PLXNB2: variants seen among roughly 807,000 people sequenced by gnomAD.
The protein encoded by PLXNB2 is plexin B2.
A neutral mutation model predicts 202.6 loss-of-function variants in PLXNB2; 85 were observed. That is an observed-to-expected ratio of 0.42 (90% CI 0.35 to 0.50). The LOEUF (loss-of-function observed/expected upper bound fraction) is 0.50. Among genes scored for constraint, PLXNB2 ranks in the 20% least tolerant of loss-of-function variants. The pLI is 0.02. For synonymous variants in PLXNB2, 1,239 were observed against 1,137.6 expected, an observed-to-expected ratio of 1.09 and a Z score of -1.79; for missense variants, 2,063 against 2,586.2, an observed-to-expected ratio of 0.80 and a Z score of 4.39.
In PLXNB2 at chr22:50,283,426, C is replaced by A; in HGVS notation, c.2590G>T (p.Ala864Ser). ...VSTRIVCVIE[A>S]AETPFTGGVE... The stretch of plus-strand genomic sequence containing the variant: ...CCCCCCGTGAAAGGCGTCTCCGCAG[C>A]CTCGATCACACACACGATCCTGGCG... Residue 864 changes from alanine to serine, a missense_variant, in exon 16 of 37, where the codon GCT (alanine) becomes TCT (serine). Transcript: ENST00000359337. 1 of 1,613,152 alleles carries A rather than the reference C, an allele frequency of 6.2e-7. No individual in the cohort carries two copies. The highest frequency in any genetic ancestry group is 1.1e-5 in the South Asian group (1 of 91,070).
In PLXNB2 at chr22:50,307,526, CG is replaced by C. The variant is rs1186578521; in HGVS notation, c.-74+26del. ...CCCCCACGCCCAGCGAGACGTCCCCCGCAGCCCAGTCCCCCGAGCTCGGTAC... is the reference window on the plus strand; with the variant it reads ...CCCCCACGCCCAGCGAGACGTCCCCCCAGCCCAGTCCCCCGAGCTCGGTAC... On this transcript the variant is annotated intron_variant, in intron 1 of 36. Transcript: ENST00000359337. The C allele has an allele frequency of 1.9e-5, 19 of 977,150 alleles. No individual in the cohort carries two copies. In the East Asian group the frequency reaches 2.0e-3, roughly 102 times the overall value. The allele number at this position is 977,150 out of a possible 1,614,324, so 60.5% of individuals were successfully genotyped here.
chr22:50,279,041 G>A, intron 27 of PLXNB2, 30 bp from the exon 28 acceptor site: 1 of 1,579,004 alleles, frequency 6.3e-7, no homozygotes. Flanking sequence ...GAAGCCCAGT[G>A]GGAGGCCCTG....
In PLXNB2 at chr22:50,284,750, G is replaced by T; in HGVS notation, c.2089-85C>A. ...AGAACCCCTGCAGCCCCTCCTCTGT[G>T]CCTACAGTGTGGGAGCCCTCTCCTC... is the stretch of plus-strand genomic sequence containing the variant. On this transcript the variant is annotated intron_variant, in intron 11 of 36. Coordinates refer to ENST00000359337, the MANE Select transcript of PLXNB2 (RefSeq NM_012401.4). The surrounding 1 kb of genome is among the most constrained non-coding windows in gnomAD (Gnocchi z 8.0). The T allele has an allele frequency of 9.8e-7, 1 of 1,020,866 alleles. No homozygotes were observed. Among genetic ancestry groups the T allele is most frequent in the Non-Finnish European group, 1.6e-6 (1 of 642,556 alleles). 63.2% of individuals were successfully genotyped at this position (1,020,866 alleles called of 1,614,324 possible).
In PLXNB2 at chr22:50,284,096, C is replaced by T; in HGVS notation, c.2263+36G>A. 7.1e-7 allele frequency: 1 copy of T among 1,418,022 alleles called. No homozygotes were observed. The highest frequency in any genetic ancestry group is 9.9e-7 in the Non-Finnish European group (1 of 1,014,740). 87.8% of individuals were successfully genotyped at this position (1,418,022 alleles called of 1,614,324 possible). The stretch of plus-strand genomic sequence containing the variant: ...CACCCACCGCCTTGTGCCCACCCGT[C>T]CCCTGCCCGCCCCCCACTGCGCCCG... On this transcript the variant is annotated intron_variant, in intron 13 of 36. Coordinates refer to ENST00000359337, the MANE Select transcript of PLXNB2 (RefSeq NM_012401.4). The surrounding 1 kb of genome is among the most constrained non-coding windows in gnomAD (Gnocchi z 8.0).
In PLXNB2 at chr22:50,275,268, C is replaced by G. The variant is rs544488561; in HGVS notation, c.*436G>C. The G allele has an allele frequency of 1.0e-5, 4 of 394,130 alleles. No individual in the cohort carries two copies. The East Asian group carries it at 3.0e-4, about 29-fold the overall frequency. The allele number at this position is 394,130 out of a possible 1,614,324, so 24.4% of individuals were successfully genotyped here. On this transcript the variant is annotated 3_prime_UTR_variant, in exon 37 of 37. Coordinates refer to ENST00000359337, the MANE Select transcript of PLXNB2 (RefSeq NM_012401.4). ...GTACCGCTTTTTCTCCTCCTCCCATCTCGTGGTGGACAGACAGACATAGGA... is the reference window on the plus strand; with the variant it reads ...GTACCGCTTTTTCTCCTCCTCCCATGTCGTGGTGGACAGACAGACATAGGA...
At position 50,288,232 on chromosome 22, in the gene PLXNB2, G is replaced by A. The variant is rs77224694; in HGVS notation, c.1381-195C>T. 2.0e-5 allele frequency among the ~76,000 whole-genome samples: 3 copies of A among 152,254 alleles called. No homozygotes were observed. The highest frequency in any genetic ancestry group is 4.4e-5 in the Non-Finnish European group (3 of 68,000). Reference sequence around the variant, plus strand: ...GGCCCAGGATCCCGATGGGAGCCCAGGGAAGCCTGGAGGTCTTGGCTATGG... The same window carrying A: ...GGCCCAGGATCCCGATGGGAGCCCAAGGAAGCCTGGAGGTCTTGGCTATGG... On this transcript the variant is annotated intron_variant, in intron 5 of 36. Transcript: ENST00000359337. This position sits in a 1 kb window ranked among gnomAD's most constrained non-coding sequence, Gnocchi z 5.0.
chr22:50,278,069 G>T, intron 31 of PLXNB2, 48 bp downstream of exon 31: 1 of 1,529,220 alleles, frequency 6.5e-7, no homozygotes, highest in Non-Finnish European at 9.0e-7. Flanking sequence ...GGGGGGGAGG[G>T]TCTCAGCGTG....
intron 1 of PLXNB2, among the ~76,000 whole-genome samples, chr22:50,306,265 G>T (rs1048604569): frequency 1.3e-5 from 2 of 152,202 alleles, no homozygotes; most frequent in African/African-American, 4.8e-5. Context: ...CCCCCCATAG[G>T]TACCGTGGGA....
rs762853592 is a variant in PLXNB2, at chr22:50,290,027, C to T, written c.558G>A (p.Arg186=). ...PHDNGIIVST[R]LLDRTDSREA... ...CCCTGCTGTCAGTCCGGTCCAACAG[C>T]CGAGTGCTCACGATGATGCCGTTGT... Residue 186 remains arginine, a synonymous_variant, in exon 3 of 37, where the codon CGG becomes CGA. Coordinates refer to ENST00000359337, the MANE Select transcript of PLXNB2 (RefSeq NM_012401.4). The T allele has an allele frequency of 4.0e-5, 65 of 1,613,328 alleles. No individual in the cohort carries two copies. Among genetic ancestry groups the T allele is most frequent in the Non-Finnish European group, 5.3e-5 (63 of 1,180,050 alleles).
At chr22:50,293,642 CG>C (rs1427184011) in intron 2 of PLXNB2, among the ~76,000 whole-genome samples, 1 of 152,186 alleles carries the variant, frequency 6.6e-6, no homozygotes, top group East Asian at 1.9e-4. Flanking sequence ...AGCGCGGGGG[CG>C]GGGCCCACGG....
At position 50,280,941 on chromosome 22, in the gene PLXNB2, C is replaced by T. The variant is rs1245369694; in HGVS notation, c.3796G>A (p.Asp1266Asn). The T allele has an allele frequency of 2.5e-6, 4 of 1,613,234 alleles. No homozygotes were observed. The highest frequency in any genetic ancestry group is 2.2e-5 in the East Asian group (1 of 44,890). Residue 1266 changes from aspartate (D) to asparagine (N), a missense_variant, in exon 24 of 37, where the codon GAC becomes AAC. Coordinates refer to ENST00000359337, the MANE Select transcript of PLXNB2 (RefSeq NM_012401.4). ...LMIEMEDQTN[D>N]VHEAGIPVLD... ...ACGGGGATGCCGGCCTCGTGCACGT[C>T]GTTGGTCTGGTCCTCCATCTCGATC...
In PLXNB2 at chr22:50,277,745, C is replaced by T. The variant is rs926300192; in HGVS notation, c.5049-7G>A. 12 of 1,591,678 alleles carry T rather than the reference C, an allele frequency of 7.5e-6. No individual in the cohort carries two copies. The highest frequency in any genetic ancestry group is 1.0e-5 in the Non-Finnish European group (12 of 1,164,974). ...CCAGAACCGGAGCGGTAAGCTGAGG[C>T]AGAGCAGCAGGGAATGAGAGCCGGG... On this transcript the variant is annotated splice_region_variant and splice_polypyrimidine_tract_variant and intron_variant, in intron 32 of 36. Coordinates refer to ENST00000359337, the MANE Select transcript of PLXNB2 (RefSeq NM_012401.4).
intron 15 of PLXNB2, 61 bp from the exon 16 acceptor site, chr22:50,283,506 C>T (rs2066177683): frequency 6.4e-7 from 1 of 1,554,938 alleles, no homozygotes; most frequent in African/African-American, 1.4e-5. Flanking sequence ...CCCTGACACC[C>T]TCACCCCCTC....
At chr22:50,277,507 C>T in intron 33 of PLXNB2, 84 bp downstream of exon 33, 2 of 1,358,196 alleles carry the variant, frequency 1.5e-6, no homozygotes, top group South Asian at 2.9e-5. Context: ...AAATCCACAC[C>T]CCAGACAAGG....
intron 1 of PLXNB2, among the ~76,000 whole-genome samples, chr22:50,295,714 G>A (rs79844872): frequency 0.015 from 2,301 of 152,264 alleles, 64 homozygotes; most frequent in African/African-American, 0.053. Context: ...AGATGCAGGT[G>A]CGTCTGTGCT....
chr22:50,284,619 G>A lies in PLXNB2; in HGVS notation c.2135C>T (p.Pro712Leu), dbSNP rs376746165. ...VGSDLLKFMEPVTMQESGTFA... is the reference protein window; with the variant it reads ...VGSDLLKFMELVTMQESGTFA... ...GGTCCCAGATTCCTGCATGGTCACC[G>A]GCTCCATGAACTTGAGCAAGTCACT... Residue 712 changes from proline (P) to leucine (L), a missense_variant, in exon 12 of 37, where the codon CCG (proline) becomes CTG (leucine). Coordinates refer to ENST00000359337, the MANE Select transcript of PLXNB2 (RefSeq NM_012401.4). This position sits in a 1 kb window ranked among gnomAD's most constrained non-coding sequence, Gnocchi z 8.0. 1,501 of 1,610,278 alleles carry A rather than the reference G, an allele frequency of 9.3e-4. 20 individuals are homozygous for A. The South Asian group carries it at 0.015, about 16-fold the overall frequency.
At chr22:50,292,141 G>T (rs1461765414) in intron 2 of PLXNB2, among the ~76,000 whole-genome samples, 6 of 152,212 alleles carry the variant, frequency 3.9e-5, no homozygotes, top group Non-Finnish European at 8.8e-5. Flanking sequence ...TTTGAGACCA[G>T]CCTGGCCAAC....
At chr22:50,295,886 G>A (rs1226876864) in intron 1 of PLXNB2, among the ~76,000 whole-genome samples, 2 of 151,888 alleles carry the variant, frequency 1.3e-5, no homozygotes, top group African/African-American at 2.4e-5. Flanking sequence ...GGCGGATCAC[G>A]AGGTCAGGAG....
At chr22:50,298,585 C>T (rs560753442) in intron 1 of PLXNB2, among the ~76,000 whole-genome samples, 43 of 152,216 alleles carry the variant, frequency 2.8e-4, no homozygotes, top group Non-Finnish European at 5.6e-4. Flanking sequence ...CGGGGTGGTT[C>T]CAGTGGGGAC....
Sources: gnomAD v4.1 joint callset for allele counts (sites outside exome capture counted in the v4.1 genomes callset) on GRCh38, gnomAD v4.1.1 for gene constraint, Gnocchi (gnomAD v3.1) non-coding constraint, MANE v1.5 for transcripts, NCBI Gene and HGNC (gene_info 2026-07-23, HGNC 2026-07-21) for gene names.